MGAM: variants seen among roughly 807,000 people sequenced by gnomAD.
MGAM encodes alpha-1,4-glucosidase.
In MGAM, 253 loss-of-function variants were observed where a neutral mutation model predicts 358.8. The observed-to-expected ratio is 0.71, with a 90% CI of 0.64 to 0.78. The LOEUF (loss-of-function observed/expected upper bound fraction) is 0.78, where lower values mean the gene tolerates loss of function less well. Ranked by LOEUF, MGAM falls within the 30% of genes least tolerant of loss-of-function variation. The probability of loss-of-function intolerance (pLI) is 0.00; values close to 1 mark genes in which losing one functional copy is unlikely to be tolerated. For missense variants in MGAM, 3,080 were observed against 3,432.6 expected, an observed-to-expected ratio of 0.90 and a Z score of 2.57; for synonymous variants, 1,105 against 1,227.1, an observed-to-expected ratio of 0.90 and a Z score of 2.08.
intron 21 of MGAM, among the ~76,000 whole-genome samples, chr7:142,041,519 T>C (rs1808540328): frequency 6.6e-6 from 1 of 152,032 alleles, no homozygotes; most frequent in Admixed American, 6.6e-5. Context: ...AATTAATTTT[T>C]CCAAAATGAA....
intron 44 of MGAM, among the ~76,000 whole-genome samples, chr7:142,072,643 G>C (rs1365825430): frequency 6.8e-6 from 1 of 146,162 alleles, no homozygotes; most frequent in Non-Finnish European, 1.5e-5. Context: ...TACCTTGTGT[G>C]CTTGGTGATT....
chr7:142,045,213 ATATG>A (rs1400207415), intron 21 of MGAM, among the ~76,000 whole-genome samples: 1 of 48,432 alleles, frequency 2.1e-5, no homozygotes, highest in East Asian at 4.1e-4. Context: ...TATATAACAT[ATATG>A]TATATAATAT....
intron 13 of MGAM, among the ~76,000 whole-genome samples, chr7:142,032,596 G>A (rs959680232): frequency 4.6e-5 from 7 of 152,050 alleles, no homozygotes; most frequent in Non-Finnish European, 1.0e-4. Context: ...TTTGGGAATT[G>A]TTCATTTTCA....
intron 45 of MGAM, among the ~76,000 whole-genome samples, chr7:142,075,730 A>G (rs1262062819): frequency 6.8e-6 from 1 of 146,180 alleles, no homozygotes; most frequent in African/African-American, 2.4e-5. Flanking sequence ...CAAAAATCAC[A>G]GCGAGATGTC....
chr7:142,103,464 A>G (rs1168171357), intron 70 of MGAM, 25 bp downstream of exon 70: 2 of 1,569,022 alleles, frequency 1.3e-6, no homozygotes, highest in African/African-American at 1.4e-5. Flanking sequence ...AAAAGTGCGA[A>G]TGGTATTCTC....
chr7:142,002,104 GA>G (rs1269958024), intron 1 of MGAM, among the ~76,000 whole-genome samples: 1 of 152,146 alleles, frequency 6.6e-6, no homozygotes, highest in Non-Finnish European at 1.5e-5. Flanking sequence ...AGAACTTGGG[GA>G]TAGAATAAAA....
In MGAM at chr7:142,088,996, G is replaced by GTATGTATCTATCTATC. The variant is rs771119657; in HGVS notation, c.6810+2282_6810+2283insGTATCTATCTATCTAT. ...TGTATGTATGTATGTATGTATGTAT[G>GTATGTATCTATCTATC]TATCTATCTATCTATCTATCTATCT... On this transcript the variant is annotated intron_variant, in intron 57 of 70. Coordinates refer to ENST00000475668, the MANE Select transcript of MGAM (RefSeq NM_001365693.1). Among the ~76,000 whole-genome samples the GTATGTATCTATCTATC allele has an allele frequency of 3.1e-3, 364 of 118,030 alleles. 11 individuals carry two copies. Among genetic ancestry groups the GTATGTATCTATCTATC allele is most frequent in the African/African-American group, 7.4e-3 (255 of 34,582 alleles). The allele number at this position is 118,030 out of a possible 152,430, so 77.4% of individuals were successfully genotyped here. A position where few individuals can be genotyped will look rare whatever the true frequency, so the allele number is the denominator to read the frequency against.
Position 142,039,965 on chromosome 7 carries a change from T to C in MGAM, c.2317-150T>C, listed in dbSNP as rs543643694. 75 of 575,338 alleles carry C rather than the reference T, an allele frequency of 1.3e-4. 3 individuals carry two copies. The South Asian group carries it at 2.1e-3, about 16-fold the overall frequency. The allele number at this position is 575,338 out of a possible 1,614,324, so 35.6% of individuals were successfully genotyped here. ...TTCTCTCTGGGTTGCCAAGTTACAG[T>C]TTCTATTATTTGTATTAGAGGAGAA... On this transcript the variant is annotated intron_variant, in intron 19 of 70. Coordinates refer to ENST00000475668, the MANE Select transcript of MGAM (RefSeq NM_001365693.1).
intron 21 of MGAM, among the ~76,000 whole-genome samples, chr7:142,042,014 A>AAT (rs578120209): frequency 3.6e-4 from 8 of 22,420 alleles, no homozygotes; most frequent in Non-Finnish European, 5.4e-4. Flanking sequence ...TATATAATAT[A>AAT]ATATATATAT....
chr7:142,005,806 G>T (rs987623373), intron 2 of MGAM, 149 bp downstream of exon 2: 9 of 682,116 alleles, frequency 1.3e-5, no homozygotes, highest in Non-Finnish European at 2.1e-5. Flanking sequence ...GTTTTGGACA[G>T]CTCAGTAGAT....
At chr7:141,996,600 T>C (rs1554448752) in intron 1 of MGAM, among the ~76,000 whole-genome samples, 2 of 152,118 alleles carry the variant, frequency 1.3e-5, no homozygotes, top group Non-Finnish European at 2.9e-5. Context: ...ATAAAAGGAG[T>C]TAGAATTTGG....
chr7:142,103,153 A>G (rs1469579518), intron 69 of MGAM, 116 bp from the exon 70 acceptor site: 1 of 854,940 alleles, frequency 1.2e-6, no homozygotes, highest in East Asian at 2.7e-5. Context: ...CCAAAGTTAC[A>G]AGATGGTGAC....
intron 24 of MGAM, 112 bp downstream of exon 24, chr7:142,050,976 T>C (rs1810897466): frequency 2.1e-6 from 3 of 1,420,704 alleles, no homozygotes; most frequent in Non-Finnish European, 2.9e-6. Flanking sequence ...CTTTGAGGCC[T>C]GTTTTGGGGA....
chr7:142,077,960 G>A (rs912874642), intron 47 of MGAM, among the ~76,000 whole-genome samples: 5 of 145,532 alleles, frequency 3.4e-5, no homozygotes, highest in African/African-American at 9.7e-5. Flanking sequence ...GACACCATGT[G>A]TCATGCTAAA....
Position 141,990,444 on chromosome 7 carries a change from T to C in MGAM, c.-2-15085T>C, listed in dbSNP as rs1803898707. ...AGCAGATAATCCAGTGTTTTGAATC[T>C]GTGTAGAAATCTATCTCGTGCTTAT... On this transcript the variant is annotated intron_variant, in intron 2 of 5. Coordinates refer to the MGAM transcript ENST00000465654. Among the ~76,000 whole-genome samples the C allele has an allele frequency of 2.0e-5, 3 of 152,160 alleles. No individual in the cohort carries two copies. In the South Asian group the frequency reaches 6.2e-4, roughly 31 times the overall value.
rs188268802 is a variant in MGAM at position 142,089,538 on chromosome 7, C to T, written c.6811-2375C>T. On this transcript the variant is annotated intron_variant, in intron 57 of 70. Transcript: ENST00000475668. ...TAAAAGTAGGCCGGGCATGGTGGCT[C>T]ATGCCTGCAATCCCAGCACTTTGGG... Among the ~76,000 whole-genome samples, 3 of 146,520 alleles carry T rather than the reference C, an allele frequency of 2.0e-5. 1 individual carries two copies. The highest frequency in any genetic ancestry group is 2.0e-4 in the East Asian group (1 of 4,974).
rs1161694967 is a variant in MGAM, at chr7:142,103,361, T to C, written c.8106T>C (p.Ser2702=). ...ACATTGAAATCTGGGGAGTGGGCAG[T>C]GTCCCCGTTACCAGTGTCAGCATCT... ...LGYIEIWGVG[S]VPVTSVSISV... is the part of the protein sequence containing the mutation. The change falls in exon 70 of 71, where the codon AGT becomes AGC. Residue 2702 remains serine, a synonymous_variant. Transcript: ENST00000475668. 6.2e-7 allele frequency: 1 copy of C among 1,613,340 alleles called. No homozygotes were observed. The highest frequency in any genetic ancestry group is 8.5e-7 in the Non-Finnish European group (1 of 1,179,586).
intron 52 of MGAM, 50 bp downstream of exon 52, chr7:142,082,621 T>A: frequency 7.5e-7 from 1 of 1,330,048 alleles, no homozygotes; most frequent in Non-Finnish European, 1.0e-6. Context: ...CAGTCATGCC[T>A]GAGTCAGTTT....
Position 142,054,875 on chromosome 7 carries a change from T to C in MGAM, c.3281T>C (p.Ile1094Thr), listed in dbSNP as rs1358963015. 3.7e-6 allele frequency: 6 copies of C among 1,613,912 alleles called. No homozygotes were observed. The highest frequency in any genetic ancestry group is 3.4e-6 in the Non-Finnish European group (4 of 1,179,832). Residue 1094 changes from isoleucine to threonine, a missense_variant, in exon 27 of 71, where the codon ATT becomes ACT. Physicochemically the swap from Ile to Thr is moderately conservative, Grantham distance 89. Transcript: ENST00000475668. ...DVLIKKNPFG[I>T]EIRRKSTGTI... is the part of the protein sequence containing the mutation. Reference sequence around the variant, plus strand: ...CTCATTAAGAAGAATCCATTTGGGATTGAAATTCGCCGGAAGAGTACAGGC... The same window carrying C: ...CTCATTAAGAAGAATCCATTTGGGACTGAAATTCGCCGGAAGAGTACAGGC...
Sources: allele counts gnomAD v4.1 joint callset (sites outside exome capture counted in the v4.1 genomes callset), GRCh38; gene constraint gnomAD v4.1.1; transcripts MANE v1.5; gene names NCBI Gene and HGNC (gene_info 2026-07-23, HGNC 2026-07-21).